The following LRRC34 variants were observed in gnomAD, a reference collection of about 807,000 sequenced individuals.
The protein encoded by LRRC34 is leucine-rich repeat-containing protein 34.
LRRC34 carries 44 observed loss-of-function variants against 48.5 expected under a neutral mutation model. The observed-to-expected ratio is 0.91, with a 90% CI of 0.71 to 1.17. The LOEUF is 1.17. Among genes scored for constraint, LRRC34 ranks in the 50% most tolerant of loss-of-function variants. The pLI is 0.00. For missense variants in LRRC34, 502 were observed against 563.0 expected, an observed-to-expected ratio of 0.89 and a Z score of 1.10; for synonymous variants, 192 against 197.6, an observed-to-expected ratio of 0.97 and a Z score of 0.24.
At chr3:169,810,345 TA>T (rs1056517119) in intron 1 of LRRC34, among the ~76,000 whole-genome samples, 7 of 152,216 alleles carry the variant, frequency 4.6e-5, no homozygotes, top group Non-Finnish European at 1.0e-4. Context: ...GTTTTTCTTT[TA>T]TATGCATATT....
chr3:169,807,067 C>A (rs1779400943), intron 4 of LRRC34, 136 bp from the exon 5 acceptor site: 4 of 508,184 alleles, frequency 7.9e-6, no homozygotes, highest in South Asian at 8.8e-5. Flanking sequence ...TCTTTATAAC[C>A]AAGAAAAACT....
Position 169,812,324 on chromosome 3 carries a change from C to CT in LRRC34, c.139+85dup. The CT allele has an allele frequency of 1.4e-6, 2 of 1,432,904 alleles. No homozygotes were observed. Among genetic ancestry groups the CT allele is most frequent in the Non-Finnish European group, 1.8e-6 (2 of 1,095,894 alleles). 88.8% of individuals were successfully genotyped at this position (1,432,904 alleles called of 1,614,324 possible). A position where few individuals can be genotyped will look rare whatever the true frequency, so the allele number is the denominator to read the frequency against. ...CTCGACGCCTTGGGCTGGCGGGCTG[C>CT]TGGGAGGACTCCTGCCGTGCGACCC... On this transcript the variant is annotated intron_variant, in intron 1 of 10. Coordinates refer to ENST00000446859, the MANE Select transcript of LRRC34 (RefSeq NM_001172779.2). This position sits in a 1 kb window ranked among gnomAD's most constrained non-coding sequence, Gnocchi z 4.3.
chr3:169,807,020 ATACTT>A (rs1484062837), intron 4 of LRRC34, 89 bp from the exon 5 acceptor site: 1 of 621,400 alleles, frequency 1.6e-6, no homozygotes. Context: ...CATACAGTAT[ATACTT>A]TATTTGAATA....
intron 9 of LRRC34, 191 bp downstream of exon 9, chr3:169,796,023 G>C: frequency 7.9e-7 from 1 of 1,264,248 alleles, no homozygotes; most frequent in Non-Finnish European, 1.0e-6. Context: ...ATCGTTAATA[G>C]AATCAGTCTA....
At chr3:169,805,056 T>C (rs774857221) in intron 5 of LRRC34, among the ~76,000 whole-genome samples, 68 of 152,192 alleles carry the variant, frequency 4.5e-4, no homozygotes, top group Non-Finnish European at 7.6e-4. Context: ...CATATAATAG[T>C]GTAAATAATT....
intron 5 of LRRC34, among the ~76,000 whole-genome samples, chr3:169,805,406 TAA>T (rs201950124): frequency 6.6e-6 from 1 of 151,764 alleles, no homozygotes; most frequent in Non-Finnish European, 1.5e-5. Flanking sequence ...TACAATAGCA[TAA>T]AAAAAAGTTA....
At chr3:169,805,433 A>C (rs1475958641) in intron 5 of LRRC34, among the ~76,000 whole-genome samples, 1 of 152,248 alleles carries the variant, frequency 6.6e-6, no homozygotes, top group Non-Finnish European at 1.5e-5. Flanking sequence ...TAAATTTAAC[A>C]AAAGAAATGT....
intron 1 of LRRC34, among the ~76,000 whole-genome samples, chr3:169,811,366 C>T (rs1032913005): frequency 6.6e-6 from 1 of 152,208 alleles, no homozygotes; most frequent in African/African-American, 2.4e-5. Context: ...ATTTAACAAG[C>T]TAGCCAGAGA....
rs192227160 is a variant in LRRC34, at chr3:169,795,714, G to A, written c.1065-103C>T. ...GCATTATTCTTCAGTATGTTGTAAT[G>A]TAGTGGTAAAAATACTGACCATTTA... On this transcript the variant is annotated intron_variant, in intron 9 of 10. Transcript: ENST00000446859. The A allele has an allele frequency of 5.6e-6, 8 of 1,428,132 alleles. No homozygotes were observed. The East Asian group carries it at 1.7e-4, about 31-fold the overall frequency. 88.5% of individuals were successfully genotyped at this position (1,428,132 alleles called of 1,614,324 possible).
At chr3:169,793,873 A>G in intron 10 of LRRC34, 35 bp from the exon 11 acceptor site, 1 of 1,451,536 alleles carries the variant, frequency 6.9e-7, no homozygotes, top group Non-Finnish European at 9.5e-7. Flanking sequence ...TATCATTAAG[A>G]AAAAATGTAT....
chr3:169,797,697 GTTATATATA>G (rs1040476296), intron 7 of LRRC34, among the ~76,000 whole-genome samples: 11 of 152,104 alleles, frequency 7.2e-5, no homozygotes, highest in African/African-American at 2.7e-4. Context: ...ATGTGTTCTT[GTTATATATA>G]AAGGTACTTT....
At chr3:169,797,024 C>T in intron 7 of LRRC34, 125 bp from the exon 8 acceptor site, 1 of 671,426 alleles carries the variant, frequency 1.5e-6, no homozygotes, top group Non-Finnish European at 2.2e-6. Context: ...TGTTAGTCCA[C>T]AATTTGCATT....
At chr3:169,797,144 G>A in intron 7 of LRRC34, 1 of 270,414 alleles carries the variant, frequency 3.7e-6, no homozygotes, top group Non-Finnish European at 6.8e-6. Flanking sequence ...CCTAAGTGAT[G>A]TAAAAGAGGC....
chr3:169,807,357 T>C (rs1325722180), intron 4 of LRRC34, 69 bp downstream of exon 4: 23 of 1,389,142 alleles, frequency 1.7e-5, no homozygotes, highest in Admixed American at 5.0e-5. Context: ...TAGTGTTTTA[T>C]GTGTGTGTCA....
chr3:169,805,819 G>T (rs935230281), intron 5 of LRRC34, among the ~76,000 whole-genome samples: 8 of 151,210 alleles, frequency 5.3e-5, no homozygotes, highest in Admixed American at 1.3e-4. Flanking sequence ...AGGAGGTGGA[G>T]GTTGTGGTGA....
At position 169,807,719 on chromosome 3, in the gene LRRC34, T is replaced by C. The variant is rs779955863; in HGVS notation, c.258-10A>G. The C allele has an allele frequency of 6.1e-6, 4 of 650,640 alleles. No individual in the cohort carries two copies. The highest frequency in any genetic ancestry group is 1.4e-4 in the South Asian group (2 of 14,388). 40.3% of individuals were successfully genotyped at this position (650,640 alleles called of 1,614,324 possible). A position where few individuals can be genotyped will look rare whatever the true frequency, so the allele number is the denominator to read the frequency against. ...GATTCCTGCTGCTAGCCTGTTAAAATACAAAAAAAAAAAAAAAAAAAAAAG... is the reference window on the plus strand; with the variant it reads ...GATTCCTGCTGCTAGCCTGTTAAAACACAAAAAAAAAAAAAAAAAAAAAAG... On this transcript the variant is annotated splice_polypyrimidine_tract_variant and intron_variant, in intron 2 of 10. Coordinates refer to ENST00000446859, the MANE Select transcript of LRRC34 (RefSeq NM_001172779.2).
Position 169,812,182 on chromosome 3 carries a change from T to C in LRRC34, c.139+228A>G, listed in dbSNP as rs1779606480. Among the ~76,000 whole-genome samples, 1 of 151,346 alleles carries C rather than the reference T, an allele frequency of 6.6e-6. No homozygotes were observed. On this transcript the variant is annotated intron_variant, in intron 1 of 10. Coordinates refer to ENST00000446859, the MANE Select transcript of LRRC34 (RefSeq NM_001172779.2). The surrounding 1 kb of genome is among the most constrained non-coding windows in gnomAD (Gnocchi z 4.3). Reference sequence around the variant, plus strand: ...GCGGACCCACGGGAACTCCTCTCCGTGGACTCCTCTCCTGCCCCCGGTCGC... The same window carrying C: ...GCGGACCCACGGGAACTCCTCTCCGCGGACTCCTCTCCTGCCCCCGGTCGC...
At chr3:169,796,494 T>G in intron 8 of LRRC34, 125 bp from the exon 9 acceptor site, 1 of 1,142,374 alleles carries the variant, frequency 8.8e-7, no homozygotes, top group Non-Finnish European at 1.2e-6. Context: ...CCACTTGATT[T>G]CCAAGAAAGT....
intron 5 of LRRC34, 137 bp from the exon 6 acceptor site, chr3:169,804,318 CAG>C (rs1192439905): frequency 3.0e-6 from 2 of 655,858 alleles, no homozygotes; most frequent in Non-Finnish European, 2.3e-6. Context: ...TTTTTTGAGA[CAG>C]AGTCTCGCTC....
Sources: allele counts gnomAD v4.1 joint callset (sites outside exome capture counted in the v4.1 genomes callset), GRCh38; gene constraint gnomAD v4.1.1; non-coding constraint Gnocchi (gnomAD v3.1); transcripts MANE v1.5; gene names NCBI Gene and HGNC (gene_info 2026-07-23, HGNC 2026-07-21).